The following MSI2 variants were observed in gnomAD, a reference collection of about 807,000 sequenced individuals.
MSI2 encodes the protein RNA-binding protein Musashi homolog 2.
A neutral mutation model predicts 45.6 loss-of-function variants in MSI2; 17 were observed. The ratio of observed to expected loss-of-function variants is 0.37; its 90% CI spans 0.26 to 0.56. The LOEUF (loss-of-function observed/expected upper bound fraction) is 0.56. Among genes scored for constraint, MSI2 ranks in the 20% least tolerant of loss-of-function variants. The pLI, the probability that MSI2 is intolerant of heterozygous loss-of-function variation, is 0.77. For synonymous variants in MSI2, 156 were observed against 158.2 expected, an observed-to-expected ratio of 0.99 and a Z score of 0.11; for missense variants, 293 against 444.2, an observed-to-expected ratio of 0.66 and a Z score of 3.06.
At chr17:57,479,948 T>C (rs114149967) in intron 6 of MSI2, among the ~76,000 whole-genome samples, 107 of 152,346 alleles carry the variant, frequency 7.0e-4, no homozygotes, top group African/African-American at 2.5e-3. Flanking sequence ...AAATGTGTTA[T>C]CTTTCTACTT....
At chr17:57,509,293 G>A (rs372226454) in intron 6 of MSI2, among the ~76,000 whole-genome samples, 43 of 152,270 alleles carry the variant, frequency 2.8e-4, no homozygotes, top group African/African-American at 1.0e-3. Context: ...TCTCTCAAGT[G>A]GAAAGGAGTG....
chr17:57,583,488 CTTTT>C lies in MSI2; in HGVS notation c.455-13364_455-13361del, dbSNP rs5821192. ...TACTTTTTTCCTTCTCCCAATGTTT[CTTTT>C]TTTTTTTTTTTTTTTGAGACAGGGT... On this transcript the variant is annotated intron_variant, in intron 7 of 13. Coordinates refer to ENST00000284073, the MANE Select transcript of MSI2 (RefSeq NM_138962.4). 9.2e-5 allele frequency among the ~76,000 whole-genome samples: 9 copies of C among 98,016 alleles called. 1 individual carries two copies. Among genetic ancestry groups the C allele is most frequent in the Non-Finnish European group, 1.3e-4 (6 of 47,934 alleles). The allele number at this position is 98,016 out of a possible 152,430, so 64.3% of individuals were successfully genotyped here.
intron 7 of MSI2, among the ~76,000 whole-genome samples, chr17:57,581,841 A>G (rs1395733574): frequency 1.3e-5 from 2 of 152,266 alleles, no homozygotes; most frequent in Non-Finnish European, 2.9e-5. Context: ...CGCTTAACAC[A>G]TGTTTTAGCA....
At chr17:57,514,663 T>G (rs75996235) in intron 6 of MSI2, among the ~76,000 whole-genome samples, 5,605 of 151,934 alleles carry the variant, frequency 0.037, 128 homozygotes, top group African/African-American at 0.043. Flanking sequence ...TTTTTTTTTT[T>G]TTTTTTTTTA....
At chr17:57,503,069 C>G (rs2086152070) in intron 6 of MSI2, among the ~76,000 whole-genome samples, 1 of 152,102 alleles carries the variant, frequency 6.6e-6, no homozygotes, top group Non-Finnish European at 1.5e-5. Flanking sequence ...CATGCACATT[C>G]ACCAGGCCTA....
At chr17:57,464,021 A>ATGTG (rs71139998) in intron 6 of MSI2, among the ~76,000 whole-genome samples, 36 of 51,080 alleles carry the variant, frequency 7.0e-4, no homozygotes, top group South Asian at 4.6e-3. Context: ...GTGTGTGTGT[A>ATGTG]TGTGTGTGTG....
intron 6 of MSI2, among the ~76,000 whole-genome samples, chr17:57,485,208 G>A (rs939910899): frequency 6.6e-6 from 1 of 152,198 alleles, no homozygotes; most frequent in African/African-American, 2.4e-5. Flanking sequence ...TCTTAGGAAA[G>A]GTGGCCCAGG....
intron 6 of MSI2, among the ~76,000 whole-genome samples, chr17:57,497,066 C>T (rs2085993837): frequency 6.6e-6 from 1 of 152,184 alleles, no homozygotes; most frequent in Non-Finnish European, 1.5e-5. Context: ...CAACCTCTGC[C>T]TCCCGAGTTC....
intron 5 of MSI2, among the ~76,000 whole-genome samples, chr17:57,394,501 G>A (rs542530270): frequency 1.3e-5 from 2 of 152,344 alleles, no homozygotes; most frequent in East Asian, 3.9e-4. Context: ...CAGTAAAAGG[G>A]CTTTTCCATA....
intron 7 of MSI2, among the ~76,000 whole-genome samples, chr17:57,541,139 G>C (rs2087036573): frequency 7.1e-6 from 1 of 140,572 alleles, no homozygotes; most frequent in Non-Finnish European, 1.5e-5. Flanking sequence ...GGATGTTAAA[G>C]ATACATTTTG....
chr17:57,655,209 A>G (rs1251415193), intron 11 of MSI2, among the ~76,000 whole-genome samples: 1 of 152,098 alleles, frequency 6.6e-6, no homozygotes. Flanking sequence ...ACTCCTAGAT[A>G]ACTTCACTAT....
rs558337770 is a variant in MSI2, at chr17:57,657,811, C to T, written c.790+5650C>T. 2.0e-4 allele frequency among the ~76,000 whole-genome samples: 30 copies of T among 152,252 alleles called. No homozygotes were observed. In the South Asian group the frequency reaches 5.6e-3, roughly 28 times the overall value. ...CTGGAGCTATTTGGGTCAGTTGTACCATAAGCTTTAGGGTTCCCAGGTATT... is the reference window on the plus strand; with the variant it reads ...CTGGAGCTATTTGGGTCAGTTGTACTATAAGCTTTAGGGTTCCCAGGTATT... On this transcript the variant is annotated intron_variant, in intron 11 of 13. Coordinates refer to ENST00000284073, the MANE Select transcript of MSI2 (RefSeq NM_138962.4).
At chr17:57,484,304 A>G (rs940845993) in intron 6 of MSI2, among the ~76,000 whole-genome samples, 2 of 152,136 alleles carry the variant, frequency 1.3e-5, no homozygotes, top group African/African-American at 4.8e-5. Context: ...GAGTGGGTCC[A>G]TGTCTGTACC....
chr17:57,305,907 C>T (rs1013098005), intron 5 of MSI2, among the ~76,000 whole-genome samples: 1 of 152,166 alleles, frequency 6.6e-6, no homozygotes, highest in East Asian at 1.9e-4. Context: ...TCTGCTCAAT[C>T]TATATTTAAA....
chr17:57,288,276 A>G (rs1028955269), intron 5 of MSI2, among the ~76,000 whole-genome samples: 5 of 152,214 alleles, frequency 3.3e-5, no homozygotes, highest in Non-Finnish European at 7.3e-5. Flanking sequence ...AGTGTTGATT[A>G]TGCAGCCAGC....
intron 5 of MSI2, among the ~76,000 whole-genome samples, chr17:57,398,403 G>A (rs756243929): frequency 6.6e-5 from 10 of 152,138 alleles, no homozygotes; most frequent in Admixed American, 2.0e-4. Context: ...TAATTACTTG[G>A]CTGGGGTAAG....
chr17:57,270,654 G>A lies in MSI2; in HGVS notation c.312+8462G>A, dbSNP rs566464748. 1.3e-4 allele frequency among the ~76,000 whole-genome samples: 20 copies of A among 152,316 alleles called. No individual in the cohort carries two copies. The East Asian group carries it at 1.7e-3, about 13-fold the overall frequency. Reference sequence around the variant, plus strand: ...GTACCTGTTAAATGGGATAGCAACCGTCCCTCCATTGTAGAATTGCTAAGG... The same window carrying A: ...GTACCTGTTAAATGGGATAGCAACCATCCCTCCATTGTAGAATTGCTAAGG... On this transcript the variant is annotated intron_variant, in intron 5 of 13. Coordinates refer to ENST00000284073, the MANE Select transcript of MSI2 (RefSeq NM_138962.4).
chr17:57,482,393 C>T (rs1261579768), intron 6 of MSI2, among the ~76,000 whole-genome samples: 1 of 152,226 alleles, frequency 6.6e-6, no homozygotes, highest in Non-Finnish European at 1.5e-5. Context: ...CATGCTCCTT[C>T]CTAAGCTCTT....
chr17:57,651,492 A>AC (rs1290224202), intron 10 of MSI2, among the ~76,000 whole-genome samples: 1 of 151,650 alleles, frequency 6.6e-6, no homozygotes, highest in Admixed American at 6.6e-5. Context: ...ATCACCTGGG[A>AC]CCCCCCAATG....
Sources: gnomAD v4.1 joint callset for allele counts (sites outside exome capture counted in the v4.1 genomes callset) on GRCh38, gnomAD v4.1.1 for gene constraint, MANE v1.5 for transcripts, NCBI Gene and HGNC (gene_info 2026-07-23, HGNC 2026-07-21) for gene names.